RAPGEF5: variants seen among roughly 807,000 people sequenced by gnomAD.
RAPGEF5 encodes Rap guanine nucleotide exchange factor 5, also known as M-Ras-regulated GEF.
In RAPGEF5, 65 loss-of-function variants were observed where a neutral mutation model predicts 125.2. That is an observed-to-expected ratio of 0.52 (90% confidence interval 0.43 to 0.64). The LOEUF is 0.64. Ranked by LOEUF, RAPGEF5 falls within the 30% of genes least tolerant of loss-of-function variation. RAPGEF5 has a pLI of 0.00. For synonymous variants in RAPGEF5, 391 were observed against 385.9 expected, an observed-to-expected ratio of 1.01 and a Z score of -0.16; for missense variants, 958 against 1,048.1, an observed-to-expected ratio of 0.91 and a Z score of 1.19.
intron 8 of RAPGEF5, among the ~76,000 whole-genome samples, chr7:22,225,984 T>C (rs1419187307): frequency 6.6e-6 from 1 of 152,204 alleles, no homozygotes; most frequent in Admixed American, 6.5e-5. Flanking sequence ...AATGGCAGAA[T>C]GAAGCGTGGA....
chr7:22,288,546 G>A (rs750324192), intron 6 of RAPGEF5, among the ~76,000 whole-genome samples: 2 of 146,980 alleles, frequency 1.4e-5, no homozygotes, highest in African/African-American at 5.0e-5. Flanking sequence ...TTTTTGAGAC[G>A]GAGTCTCGCT....
intron 9 of RAPGEF5, among the ~76,000 whole-genome samples, chr7:22,212,557 T>C (rs1293222234): frequency 7.3e-6 from 1 of 136,836 alleles, no homozygotes; most frequent in African/African-American, 2.6e-5. Context: ...TGCCTATGTC[T>C]CTTTACTTCT....
intron 9 of RAPGEF5, among the ~76,000 whole-genome samples, chr7:22,208,289 C>T (rs1301090310): frequency 6.6e-6 from 1 of 152,186 alleles, no homozygotes; most frequent in Non-Finnish European, 1.5e-5. Flanking sequence ...AAAGGTTGTA[C>T]TGACATTAAA....
Position 22,252,374 on chromosome 7 carries a change from C to T in RAPGEF5, c.796+14590G>A, listed in dbSNP as rs768592396. Among the ~76,000 whole-genome samples the T allele has an allele frequency of 8.4e-4, 128 of 152,312 alleles. 1 individual carries two copies. The highest frequency in any genetic ancestry group is 1.6e-3 in the Non-Finnish European group (108 of 68,032). On this transcript the variant is annotated intron_variant, in intron 7 of 25. Coordinates refer to ENST00000665637, the MANE Select transcript of RAPGEF5 (RefSeq NM_012294.5). ...AATTAGCTTTGTCTACTAAGTGTTA[C>T]ACAGCTTGACTGAAGTGCCCCAAGT...
At chr7:22,217,385 G>A (rs527506862) in intron 9 of RAPGEF5, among the ~76,000 whole-genome samples, 25 of 152,308 alleles carry the variant, frequency 1.6e-4, no homozygotes, top group Non-Finnish European at 3.1e-4. Flanking sequence ...CAGGAAAAAC[G>A]AAAACACTGC....
intron 9 of RAPGEF5, among the ~76,000 whole-genome samples, chr7:22,217,286 A>G (rs1325030432): frequency 2.0e-5 from 3 of 152,230 alleles, no homozygotes; most frequent in Non-Finnish European, 2.9e-5. Flanking sequence ...GTTTACGTTA[A>G]GTAAACTGCA....
At chr7:22,253,672 T>A (rs1171152372) in intron 7 of RAPGEF5, among the ~76,000 whole-genome samples, 2 of 152,170 alleles carry the variant, frequency 1.3e-5, no homozygotes, top group Non-Finnish European at 2.9e-5. Flanking sequence ...CTTTTTAAGA[T>A]AACTTAAATT....
intron 10 of RAPGEF5, 72 bp downstream of exon 10, chr7:22,193,843 C>A: frequency 6.2e-7 from 1 of 1,611,520 alleles, no homozygotes; most frequent in Non-Finnish European, 8.5e-7. Context: ...TGAGATGGAG[C>A]AAGGGAAGGG....
intron 1 of RAPGEF5, among the ~76,000 whole-genome samples, chr7:22,334,591 T>A (rs1783990562): frequency 6.6e-6 from 1 of 152,250 alleles, no homozygotes. Flanking sequence ...TGGCATTTAT[T>A]TAGCAGCACT....
chr7:22,194,500 A>T (rs1220739666), intron 9 of RAPGEF5: 1 of 805,030 alleles, frequency 1.2e-6, no homozygotes, highest in Non-Finnish European at 1.5e-6. Context: ...CAGTAGTTGC[A>T]ATCAATACAT....
intron 3 of RAPGEF5, among the ~76,000 whole-genome samples, chr7:22,312,278 G>T (rs910355090): frequency 2.0e-5 from 3 of 151,464 alleles, no homozygotes; most frequent in African/African-American, 7.3e-5. Flanking sequence ...GTGCGATCTC[G>T]GCTCACTGCA....
chr7:22,140,310 C>T (rs1783215606), intron 20 of RAPGEF5, among the ~76,000 whole-genome samples, 195 bp from the exon 21 acceptor site: 1 of 152,146 alleles, frequency 6.6e-6, no homozygotes, highest in Non-Finnish European at 1.5e-5. Flanking sequence ...CTCACTCTTA[C>T]CTAAAGGAAA....
chr7:22,137,060 T>A, intron 21 of RAPGEF5, 77 bp from the exon 22 acceptor site: 1 of 1,059,976 alleles, frequency 9.4e-7, no homozygotes, highest in Non-Finnish European at 1.4e-6. Flanking sequence ...GGAGTTTTCA[T>A]TACGTTGTTT....
chr7:22,252,257 G>A (rs7805084), intron 7 of RAPGEF5, among the ~76,000 whole-genome samples: 29,359 of 152,054 alleles, frequency 0.19, 3,085 homozygotes, highest in African/African-American at 0.27. Context: ...AACCTGCTCT[G>A]GGCAACGTCA....
In RAPGEF5 at chr7:22,333,890, C is replaced by T. The variant is rs142201053; in HGVS notation, c.232-15853G>A. The stretch of plus-strand genomic sequence containing the variant: ...GTCTTGCAGATGGACAGAGGGGAGC[C>T]AGGGCACGGCATGGCTTGACATGGC... On this transcript the variant is annotated intron_variant, in intron 1 of 25. Coordinates refer to ENST00000665637, the MANE Select transcript of RAPGEF5 (RefSeq NM_012294.5). Among the ~76,000 whole-genome samples the T allele has an allele frequency of 6.3e-3, 956 of 152,008 alleles. 8 individuals are homozygous for T. Among genetic ancestry groups the T allele is most frequent in the African/African-American group, 0.022 (901 of 41,450 alleles).
intron 23 of RAPGEF5, 105 bp from the exon 24 acceptor site, chr7:22,131,206 T>G: frequency 7.4e-7 from 1 of 1,348,810 alleles, no homozygotes; most frequent in Non-Finnish European, 9.7e-7. Flanking sequence ...TCCTAAACAT[T>G]ATGGATCATT....
chr7:22,187,164 T>C (rs577741841), intron 11 of RAPGEF5, among the ~76,000 whole-genome samples: 9 of 152,284 alleles, frequency 5.9e-5, no homozygotes, highest in African/African-American at 2.2e-4. Flanking sequence ...GATGGTGTTT[T>C]CAGCATAAAT....
intron 1 of RAPGEF5, among the ~76,000 whole-genome samples, chr7:22,329,498 G>A (rs145436222): frequency 6.6e-6 from 1 of 152,264 alleles, no homozygotes; most frequent in Non-Finnish European, 1.5e-5. Flanking sequence ...CCAGACACAT[G>A]ATGAAACATT....
chr7:22,134,143 T>C (rs925655616), intron 23 of RAPGEF5, among the ~76,000 whole-genome samples: 1 of 152,200 alleles, frequency 6.6e-6, no homozygotes, highest in South Asian at 2.1e-4. Flanking sequence ...GCCTAAGAAT[T>C]AATGTTGTAT....
Sources: allele counts gnomAD v4.1 joint callset (sites outside exome capture counted in the v4.1 genomes callset), GRCh38; gene constraint gnomAD v4.1.1; transcripts MANE v1.5; gene names NCBI Gene and HGNC (gene_info 2026-07-23, HGNC 2026-07-21).